The following RALA variants were observed in gnomAD, a reference collection of about 807,000 sequenced individuals.
RALA encodes the protein RAS like proto-oncogene A.
Under a neutral mutation model 24.0 loss-of-function variants are expected in RALA, and 5 were observed. The observed-to-expected ratio is 0.21, with a 90% CI of 0.11 to 0.44. The LOEUF is 0.44. Ranked by LOEUF, RALA falls within the 20% of genes least tolerant of loss-of-function variation. The probability of loss-of-function intolerance (pLI) is 0.99; values close to 1 mark genes in which losing one functional copy is unlikely to be tolerated. For missense variants in RALA, 95 were observed against 241.2 expected, an observed-to-expected ratio of 0.39 and a Z score of 4.01; for synonymous variants, 77 against 83.8, an observed-to-expected ratio of 0.92 and a Z score of 0.44.
chr7:39,695,956 G>T (rs1792912310), intron 3 of RALA, among the ~76,000 whole-genome samples: 1 of 152,174 alleles, frequency 6.6e-6, no homozygotes, highest in Non-Finnish European at 1.5e-5. Context: ...TGTCGATGCA[G>T]TTATAAGCAC....
chr7:39,635,151 A>G (rs762859882), intron 1 of RALA, among the ~76,000 whole-genome samples: 4 of 152,176 alleles, frequency 2.6e-5, no homozygotes, highest in African/African-American at 7.2e-5. Flanking sequence ...GGAGTTCAAC[A>G]TGGCAAAACC....
At chr7:39,674,963 AC>A (rs1344227315) in intron 1 of RALA, among the ~76,000 whole-genome samples, 8 of 151,332 alleles carry the variant, frequency 5.3e-5, no homozygotes. Flanking sequence ...AGCTGGGATT[AC>A]AGGCACACGC....
chr7:39,672,643 C>A, intron 1 of RALA, among the ~76,000 whole-genome samples: 1 of 98,464 alleles, frequency 1.0e-5, no homozygotes, highest in Non-Finnish European at 1.9e-5. Context: ...GAATACTATT[C>A]AGTCGTAAAA....
intron 1 of RALA, among the ~76,000 whole-genome samples, chr7:39,646,149 A>G (rs1791919449): frequency 6.6e-6 from 1 of 152,138 alleles, no homozygotes; most frequent in Non-Finnish European, 1.5e-5. Flanking sequence ...TTGAAAGATA[A>G]AACTATGCTG....
chr7:39,705,831 C>T (rs749562727), intron 4 of RALA, among the ~76,000 whole-genome samples: 1 of 151,786 alleles, frequency 6.6e-6, no homozygotes, highest in African/African-American at 2.4e-5. Context: ...CTGTCATCAC[C>T]TTATAGAACT....
chr7:39,643,513 G>T (rs979279118), intron 1 of RALA, among the ~76,000 whole-genome samples: 1 of 152,056 alleles, frequency 6.6e-6, no homozygotes, highest in Non-Finnish European at 1.5e-5. Flanking sequence ...TTGAGGTCAG[G>T]AGTTCGAGAC....
chr7:39,635,149 A>G (rs1290813033), intron 1 of RALA, among the ~76,000 whole-genome samples: 1 of 152,164 alleles, frequency 6.6e-6, no homozygotes, highest in Non-Finnish European at 1.5e-5. Flanking sequence ...CAGGAGTTCA[A>G]CATGGCAAAA....
intron 2 of RALA, among the ~76,000 whole-genome samples, chr7:39,689,875 C>G (rs1397567971): frequency 6.6e-6 from 1 of 152,098 alleles, no homozygotes. Flanking sequence ...TTTAAAAAAT[C>G]AAAAGTTTGG....
At chr7:39,682,146 A>G (rs1352499384) in intron 1 of RALA, among the ~76,000 whole-genome samples, 3 of 152,240 alleles carry the variant, frequency 2.0e-5, no homozygotes, top group African/African-American at 4.8e-5. Flanking sequence ...AAAATAGTAC[A>G]TATCGCCTAG....
Position 39,675,606 on chromosome 7 carries a change from G to A in RALA, c.-37-11025G>A, listed in dbSNP as rs142118506. Among the ~76,000 whole-genome samples the A allele has an allele frequency of 1.4e-4, 22 of 152,164 alleles. No individual in the cohort carries two copies. The East Asian group carries it at 4.3e-3, about 30-fold the overall frequency. ...TAGCTGAGGGTGGTGCGTGCCTGTAGTCCTAGTTACTCAGGTGGCTGAGGT... is the reference window on the plus strand; with the variant it reads ...TAGCTGAGGGTGGTGCGTGCCTGTAATCCTAGTTACTCAGGTGGCTGAGGT... On this transcript the variant is annotated intron_variant, in intron 1 of 4. Coordinates refer to ENST00000005257, the MANE Select transcript of RALA (RefSeq NM_005402.4).
At chr7:39,656,430 A>G (rs959846072) in intron 1 of RALA, among the ~76,000 whole-genome samples, 1 of 152,210 alleles carries the variant, frequency 6.6e-6, no homozygotes, top group East Asian at 1.9e-4. Flanking sequence ...GGGATTAGTT[A>G]TGACTCTATG....
intron 1 of RALA, among the ~76,000 whole-genome samples, chr7:39,684,712 T>TA (rs34582850): frequency 0.43 from 46,897 of 109,958 alleles, 9,168 homozygotes; most frequent in Non-Finnish European, 0.49. Flanking sequence ...GCTGATGAGC[T>TA]AAAAAAAAAA....
chr7:39,634,273 C>T (rs148944434), intron 1 of RALA, among the ~76,000 whole-genome samples: 2 of 152,266 alleles, frequency 1.3e-5, no homozygotes, highest in East Asian at 3.9e-4. Context: ...TGTCTGTTTT[C>T]ACTTTTCCTG....
chr7:39,693,017 C>T (rs974834256), intron 3 of RALA, among the ~76,000 whole-genome samples: 1 of 152,068 alleles, frequency 6.6e-6, no homozygotes, highest in Non-Finnish European at 1.5e-5. Context: ...GTGGCGATTC[C>T]TCAAGGATCT....
intron 1 of RALA, among the ~76,000 whole-genome samples, chr7:39,655,651 A>G (rs1792083544): frequency 6.6e-6 from 1 of 152,006 alleles, no homozygotes; most frequent in South Asian, 2.1e-4. Context: ...GTAGATCTGA[A>G]TATAGCATTT....
chr7:39,648,077 T>G (rs1490293969), intron 1 of RALA, among the ~76,000 whole-genome samples: 1 of 152,230 alleles, frequency 6.6e-6, no homozygotes, highest in Non-Finnish European at 1.5e-5. Flanking sequence ...TATACTTCCC[T>G]ATTAACACAC....
chr7:39,656,684 G>A (rs1792102178), intron 1 of RALA, among the ~76,000 whole-genome samples: 1 of 152,200 alleles, frequency 6.6e-6, no homozygotes, highest in Admixed American at 6.5e-5. Flanking sequence ...TTGAACTCTG[G>A]CTCATTTATT....
chr7:39,626,730 C>T (rs1388457085), intron 1 of RALA, among the ~76,000 whole-genome samples: 1 of 152,176 alleles, frequency 6.6e-6, no homozygotes, highest in Non-Finnish European at 1.5e-5. Flanking sequence ...ACAGAATCGT[C>T]CCTATTTGAG....
At chr7:39,685,351 A>G (rs567691925) in intron 1 of RALA, among the ~76,000 whole-genome samples, 1 of 152,354 alleles carries the variant, frequency 6.6e-6, no homozygotes, top group Admixed American at 6.5e-5. Context: ...TGAGCTAGGA[A>G]AGATTGGCCC....
Sources: allele counts gnomAD v4.1 joint callset (sites outside exome capture counted in the v4.1 genomes callset), GRCh38; gene constraint gnomAD v4.1.1; transcripts MANE v1.5; gene names NCBI Gene and HGNC (gene_info 2026-07-23, HGNC 2026-07-21).